HIF3A: variants seen among roughly 807,000 people sequenced by gnomAD.
HIF3A encodes hypoxia-inducible factor 3-alpha.
Under a neutral mutation model 67.2 loss-of-function variants are expected in HIF3A, and 41 were observed. The observed-to-expected ratio is 0.61, with a 90% CI of 0.48 to 0.79. HIF3A has a LOEUF of 0.79. Among genes scored for constraint, HIF3A ranks in the 30% least tolerant of loss-of-function variants. HIF3A has a pLI of 0.00. For missense variants in HIF3A, 855 were observed against 898.0 expected, an observed-to-expected ratio of 0.95 and a Z score of 0.61; for synonymous variants, 356 against 374.8, an observed-to-expected ratio of 0.95 and a Z score of 0.58.
intron 8 of HIF3A, among the ~76,000 whole-genome samples, chr19:46,314,412 TG>T (rs1182778929): frequency 6.8e-6 from 1 of 146,028 alleles, no homozygotes; most frequent in African/African-American, 2.5e-5. Context: ...AAAATATATA[TG>T]GTTTTCATGC....
chr19:46,308,595 G>C (rs1969120442), intron 4 of HIF3A, 68 bp from the exon 5 acceptor site: 1 of 918,300 alleles, frequency 1.1e-6, no homozygotes, highest in Non-Finnish European at 1.7e-6. Flanking sequence ...GAGCAGCCAG[G>C]GTGCCGGAGG....
chr19:46,325,423 C>T, intron 10 of HIF3A, 112 bp from the exon 11 acceptor site: 1 of 733,724 alleles, frequency 1.4e-6, no homozygotes, highest in Non-Finnish European at 2.4e-6. Context: ...CCCTTTGTGC[C>T]CCAGATGCCT....
chr19:46,297,690 A>C lies in HIF3A; in HGVS notation c.26+588A>C, dbSNP rs929760109. On this transcript the variant is annotated intron_variant, in intron 1 of 14. Transcript: ENST00000377670. This position sits in a 1 kb window ranked among gnomAD's most constrained non-coding sequence, Gnocchi z 4.5. ...ATTGGGTTTCCCTAGAAATGGGCAG[A>C]GGGGAGCCCCTTTCAGAAGCCGTCT... is the stretch of plus-strand genomic sequence containing the variant. Among the ~76,000 whole-genome samples, 1 of 152,112 alleles carries C rather than the reference A, an allele frequency of 6.6e-6. No homozygotes were observed. Among genetic ancestry groups the C allele is most frequent in the Non-Finnish European group, 1.5e-5 (1 of 67,998 alleles).
At chr19:46,316,093 T>C (rs1315349235) in intron 8 of HIF3A, among the ~76,000 whole-genome samples, 1 of 151,684 alleles carries the variant, frequency 6.6e-6, no homozygotes, top group East Asian at 1.9e-4. Context: ...TAGCTTGGTG[T>C]GGTGGTGCAT....
intron 6 of HIF3A, among the ~76,000 whole-genome samples, 163 bp downstream of exon 6, chr19:46,309,522 T>C (rs906024422): frequency 2.0e-5 from 3 of 152,032 alleles, no homozygotes; most frequent in African/African-American, 7.2e-5. Context: ...CTACATGCCT[T>C]TTATATCTTT....
chr19:46,304,643 C>G (rs1174525870), intron 2 of HIF3A, among the ~76,000 whole-genome samples: 1 of 152,180 alleles, frequency 6.6e-6, no homozygotes, highest in African/African-American at 2.4e-5. Context: ...CGTGCACACA[C>G]ACACATACAC....
intron 12 of HIF3A, among the ~76,000 whole-genome samples, chr19:46,329,793 G>A (rs971930935): frequency 6.6e-5 from 10 of 151,804 alleles, no homozygotes; most frequent in African/African-American, 1.2e-4. Flanking sequence ...AGACATTGCC[G>A]TGTGTCAGAG....
At chr19:46,321,549 A>T (rs1473829262) in intron 9 of HIF3A, among the ~76,000 whole-genome samples, 1 of 152,140 alleles carries the variant, frequency 6.6e-6, no homozygotes, top group Admixed American at 6.5e-5. Context: ...GTGCCACTGC[A>T]CTCCATTCTG....
chr19:46,314,467 A>C (rs1208252342), intron 8 of HIF3A, among the ~76,000 whole-genome samples: 1 of 147,566 alleles, frequency 6.8e-6, no homozygotes, highest in Non-Finnish European at 1.5e-5. Flanking sequence ...ATTTTGACAC[A>C]TGCATGCAAT....
chr19:46,335,912 G>A lies in HIF3A; in HGVS notation c.1912+926G>A, dbSNP rs547815053. Among the ~76,000 whole-genome samples, 169 of 151,296 alleles carry A rather than the reference G, an allele frequency of 1.1e-3. 1 individual carries two copies. The highest frequency in any genetic ancestry group is 3.6e-3 in the African/African-American group (147 of 41,206). On this transcript the variant is annotated intron_variant, in intron 14 of 14. Transcript: ENST00000377670. ...AAAAACCTGGTGAGTGTGGTGGCAC[G>A]CACCTGTTGTCCTAGTTACTTGGGA... is the stretch of plus-strand genomic sequence containing the variant.
chr19:46,308,147 C>A (rs1314543537), intron 3 of HIF3A, 74 bp from the exon 4 acceptor site: 2 of 918,594 alleles, frequency 2.2e-6, no homozygotes, highest in African/African-American at 3.2e-5. Context: ...TGAATTGGAG[C>A]AGGGGAATGA....
chr19:46,297,577 G>A lies in HIF3A; in HGVS notation c.26+475G>A, dbSNP rs144494235. Among the ~76,000 whole-genome samples the A allele has an allele frequency of 2.2e-3, 337 of 152,092 alleles. 2 individuals are homozygous for A. In the South Asian group the frequency reaches 0.037, roughly 17 times the overall value. On this transcript the variant is annotated intron_variant, in intron 1 of 14. Transcript: ENST00000377670. This position sits in a 1 kb window ranked among gnomAD's most constrained non-coding sequence, Gnocchi z 4.5. ...CTAAATGGAGCCTTCCCACATATAG[G>A]GAGTCCCTTGGAATGGCATTCAGCT...
chr19:46,300,482 G>A (rs1307146401), intron 1 of HIF3A, among the ~76,000 whole-genome samples: 1 of 152,138 alleles, frequency 6.6e-6, no homozygotes, highest in Admixed American at 6.6e-5. Context: ...CCAACATAGT[G>A]AAACCCTGTC....
Position 46,304,107 on chromosome 19 carries a change from A to G in HIF3A, c.217+19A>G, listed in dbSNP as rs1968596083. The G allele has an allele frequency of 6.5e-7, 1 of 1,545,182 alleles. No individual in the cohort carries two copies. The highest frequency in any genetic ancestry group is 1.2e-5 in the South Asian group (1 of 84,186). On this transcript the variant is annotated intron_variant, in intron 2 of 14. Coordinates refer to ENST00000377670, the MANE Select transcript of HIF3A (RefSeq NM_152795.4). ...GCCGCAGGTGAGCCCCGCCCGCGGG[A>G]ATTCCCGTCTTGGTCAGGCCCCGCC...
chr19:46,297,790 TG>T lies in HIF3A; in HGVS notation c.26+690del, dbSNP rs1196926654. On this transcript the variant is annotated intron_variant, in intron 1 of 14. Coordinates refer to ENST00000377670, the MANE Select transcript of HIF3A (RefSeq NM_152795.4). This position sits in a 1 kb window ranked among gnomAD's most constrained non-coding sequence, Gnocchi z 4.5. ...CCCCTTAAATAACAGGGAAACAAGCTGGACCCACTTCCCAAAGTCCAGCCCC... is the reference window on the plus strand; with the variant it reads ...CCCCTTAAATAACAGGGAAACAAGCTGACCCACTTCCCAAAGTCCAGCCCC... 6.6e-6 allele frequency among the ~76,000 whole-genome samples: 1 copy of T among 152,108 alleles called. No homozygotes were observed. Among genetic ancestry groups the T allele is most frequent in the African/African-American group, 2.4e-5 (1 of 41,430 alleles).
chr19:46,320,335 C>T (rs1970264395), intron 8 of HIF3A, 108 bp from the exon 9 acceptor site: 1 of 780,444 alleles, frequency 1.3e-6, no homozygotes, highest in Admixed American at 2.2e-5. Flanking sequence ...CCCTCCAAGC[C>T]CCTGGGCGCC....
chr19:46,339,854 CCCT>C lies in HIF3A; in HGVS notation c.*239_*241del, dbSNP rs1014719741. 5.5e-5 allele frequency: 22 copies of C among 399,698 alleles called. No homozygotes were observed. Among genetic ancestry groups the C allele is most frequent in the African/African-American group, 4.1e-4 (20 of 48,744 alleles). The allele number at this position is 399,698 out of a possible 1,614,324, so 24.8% of individuals were successfully genotyped here. A position where few individuals can be genotyped will look rare whatever the true frequency, so the allele number is the denominator to read the frequency against. ...GACCTCTGGGAGGTGGTCCCTGGCC[CCCT>C]CCTCCTTCTCTCAGGATTTCTCTTG... On this transcript the variant is annotated 3_prime_UTR_variant, in exon 15 of 15. Coordinates refer to ENST00000377670, the MANE Select transcript of HIF3A (RefSeq NM_152795.4).
rs571751915 is a variant in HIF3A, at chr19:46,329,454, C to G, written c.1688C>G (p.Ser563Cys). 1 of 1,533,224 alleles carries G rather than the reference C, an allele frequency of 6.5e-7. No individual in the cohort carries two copies. 95.0% of individuals were successfully genotyped at this position (1,533,224 alleles called of 1,614,324 possible). A position where few individuals can be genotyped will look rare whatever the true frequency, so the allele number is the denominator to read the frequency against. Residue 563 changes from serine to cysteine, a missense_variant, in exon 12 of 15, where the codon TCT becomes TGT. Around this residue, in one of 3 missense-constraint regions of HIF3A, gnomAD observed 199 missense variants for 193.8 expected, o/e 1.03. Coordinates refer to ENST00000377670, the MANE Select transcript of HIF3A (RefSeq NM_152795.4). ...SPSRGDPSAS[S>C]PMAGARKRTL... ...TCCAGAGGGGACCCCTCAGCATCCT[C>G]TCCCATGGCTGGGGCTCGGAAGAGG...
chr19:46,323,033 G>A (rs1468711665), intron 10 of HIF3A, among the ~76,000 whole-genome samples: 1 of 120,446 alleles, frequency 8.3e-6, no homozygotes, highest in Non-Finnish European at 1.7e-5. Flanking sequence ...GACCCTCTCT[G>A]GGGACAGTGG....
Sources: allele counts gnomAD v4.1 joint callset (sites outside exome capture counted in the v4.1 genomes callset), GRCh38; gene constraint gnomAD v4.1.1; regional missense constraint gnomAD v4.1.1; non-coding constraint Gnocchi (gnomAD v3.1); transcripts MANE v1.5; gene names NCBI Gene and HGNC (gene_info 2026-07-23, HGNC 2026-07-21).